Variants in AKNAD1 observed in about 807,000 individuals in gnomAD.
The protein encoded by AKNAD1 is AKNA domain containing 1.
A neutral mutation model predicts 90.8 loss-of-function variants in AKNAD1; 67 were observed. The ratio of observed to expected loss-of-function variants is 0.74; its 90% CI spans 0.61 to 0.90. The LOEUF (loss-of-function observed/expected upper bound fraction) is 0.90, where lower values mean the gene tolerates loss of function less well. Among genes scored for constraint, AKNAD1 ranks in the 40% least tolerant of loss-of-function variants. The probability of loss-of-function intolerance (pLI) is 0.00; values close to 1 mark genes in which losing one functional copy is unlikely to be tolerated. For synonymous variants in AKNAD1, 327 were observed against 341.4 expected (o/e 0.96, Z 0.46); for missense variants, 957 against 975.4 (o/e 0.98, Z 0.25).
chr1:108,826,518 A>C (rs1039003675), intron 11 of AKNAD1, among the ~76,000 whole-genome samples: 1 of 151,584 alleles, frequency 6.6e-6, no homozygotes, highest in African/African-American at 2.4e-5. Context: ...CTTTGCTTCT[A>C]TGAAATGCAT....
intron 8 of AKNAD1, 87 bp from the exon 9 acceptor site, chr1:108,834,615 T>A: frequency 7.4e-7 from 1 of 1,347,462 alleles, no homozygotes; most frequent in Non-Finnish European, 1.0e-6. Context: ...TCACTTGGCA[T>A]CACCCCTGGG....
chr1:108,837,474 C>A lies in AKNAD1; in HGVS notation c.1536+76G>T, dbSNP rs994757087. ...ATATTAAAAATGGAATTCAGTGAAT[C>A]CATGAATTAGGAGTCTATAAATGCA... On this transcript the variant is annotated intron_variant, in intron 7 of 15. Transcript: ENST00000370001. 3.7e-6 allele frequency: 5 copies of A among 1,349,358 alleles called. No individual in the cohort carries two copies. The African/African-American group carries it at 7.3e-5, about 20-fold the overall frequency. The allele number at this position is 1,349,358 out of a possible 1,614,324, so 83.6% of individuals were successfully genotyped here.
chr1:108,842,825 T>C (rs1664589021), intron 6 of AKNAD1, among the ~76,000 whole-genome samples: 1 of 152,188 alleles, frequency 6.6e-6, no homozygotes, highest in South Asian at 2.1e-4. Flanking sequence ...CTTAGGCTCC[T>C]CTGGGTCTCC....
At chr1:108,851,113 C>T (rs143651115) in intron 2 of AKNAD1, among the ~76,000 whole-genome samples, 1 of 152,304 alleles carries the variant, frequency 6.6e-6, no homozygotes, top group East Asian at 1.9e-4. Context: ...AAGGTTGCTG[C>T]CCTCCAGAGC....
At position 108,837,561 on chromosome 1, in the gene AKNAD1, G is replaced by C; in HGVS notation, c.1525C>G (p.Leu509Val). The change falls in exon 7 of 16, where the codon CTC becomes GTC. Residue 509 changes from leucine to valine, a missense_variant. Transcript: ENST00000370001. ...LDDLASTFSS[L>V]SNEIPKEHPG... is the part of the protein sequence containing the mutation. ...CATTGCTGTATTACCTCATTTGAGAGTGAAGAGAAGGTGGAGGCCAAGTCA... is the reference window on the plus strand; with the variant it reads ...CATTGCTGTATTACCTCATTTGAGACTGAAGAGAAGGTGGAGGCCAAGTCA... The C allele has an allele frequency of 6.2e-7, 1 of 1,614,148 alleles. No homozygotes were observed. The highest frequency in any genetic ancestry group is 8.5e-7 in the Non-Finnish European group (1 of 1,180,012).
chr1:108,849,446 T>C (rs893633360), intron 3 of AKNAD1, 91 bp downstream of exon 3: 10 of 841,108 alleles, frequency 1.2e-5, no homozygotes, highest in South Asian at 4.3e-5. Flanking sequence ...GCTGCTGCAC[T>C]CCAGCCTGGG....
chr1:108,850,471 TC>T (rs1331681478), intron 2 of AKNAD1, among the ~76,000 whole-genome samples: 1 of 152,022 alleles, frequency 6.6e-6, no homozygotes, highest in Non-Finnish European at 1.5e-5. Context: ...CCCCGACACT[TC>T]CCAATACCAC....
chr1:108,844,169 C>T (rs1367932547), intron 5 of AKNAD1, among the ~76,000 whole-genome samples: 1 of 152,176 alleles, frequency 6.6e-6, no homozygotes, highest in Non-Finnish European at 1.5e-5. Flanking sequence ...TCAAGACCGG[C>T]CTGACCAACA....
At chr1:108,826,337 G>A (rs1049816600) in intron 11 of AKNAD1, among the ~76,000 whole-genome samples, 4 of 151,672 alleles carry the variant, frequency 2.6e-5, no homozygotes, top group African/African-American at 4.8e-5. Context: ...GTTAGGCTCA[G>A]AGGTGATTTT....
intron 9 of AKNAD1, among the ~76,000 whole-genome samples, chr1:108,832,603 A>G (rs1182869585): frequency 3.3e-5 from 5 of 152,198 alleles, no homozygotes; most frequent in African/African-American, 7.2e-5. Flanking sequence ...GTTCTCAACA[A>G]TGAACATTAT....
chr1:108,819,481 G>C (rs1046058788), intron 14 of AKNAD1, among the ~76,000 whole-genome samples: 2 of 150,448 alleles, frequency 1.3e-5, no homozygotes, highest in Non-Finnish European at 3.0e-5. Context: ...GTAGCTAGCT[G>C]TGGTATCACA....
At chr1:108,845,269 AG>A (rs996963551) in intron 5 of AKNAD1, among the ~76,000 whole-genome samples, 1 of 152,186 alleles carries the variant, frequency 6.6e-6, no homozygotes, top group African/African-American at 2.4e-5. Flanking sequence ...ACTGCACCAC[AG>A]GCTCCCCTGG....
Position 108,830,655 on chromosome 1 carries a change from G to A in AKNAD1, c.1747-5C>T, listed in dbSNP as rs771249763. The A allele has an allele frequency of 1.1e-5, 17 of 1,613,756 alleles. No individual in the cohort carries two copies. Among genetic ancestry groups the A allele is most frequent in the South Asian group, 3.3e-5 (3 of 91,076 alleles). ...TGGAGTGCCGTTGGGATCCTCCTGCGCCACAAAGCACACAGATGGAGATGT... is the reference window on the plus strand; with the variant it reads ...TGGAGTGCCGTTGGGATCCTCCTGCACCACAAAGCACACAGATGGAGATGT... On this transcript the variant is annotated splice_polypyrimidine_tract_variant and splice_region_variant and intron_variant, in intron 9 of 15. Coordinates refer to ENST00000370001, the MANE Select transcript of AKNAD1 (RefSeq NM_152763.5).
At position 108,851,592 on chromosome 1, in the gene AKNAD1, A is replaced by G. The variant is rs1301286913; in HGVS notation, c.993+80T>C. 4.3e-6 allele frequency: 6 copies of G among 1,386,816 alleles called. No homozygotes were observed. In the East Asian group the frequency reaches 9.2e-5, roughly 21 times the overall value. 85.9% of individuals were successfully genotyped at this position (1,386,816 alleles called of 1,614,324 possible). On this transcript the variant is annotated intron_variant, in intron 2 of 15. Transcript: ENST00000370001. Reference sequence around the variant, plus strand: ...AACTTTGGAACTAGAACCAAGCTCTATTCACCCTCCAAAAACCCACACTGA... The same window carrying G: ...AACTTTGGAACTAGAACCAAGCTCTGTTCACCCTCCAAAAACCCACACTGA...
rs545277536 is a variant in AKNAD1 at position 108,857,033 on chromosome 1, G to T, written c.-208C>A. On this transcript the variant is annotated 5_prime_UTR_variant, in exon 1 of 16. Transcript: ENST00000370001. ...GAAATCCAAAGGCATATCCAAAGAGGTTCCACTCAGAATCCAACAGAACCT... is the reference window on the plus strand; with the variant it reads ...GAAATCCAAAGGCATATCCAAAGAGTTTCCACTCAGAATCCAACAGAACCT... 2 of 152,304 alleles carry T rather than the reference G, an allele frequency of 1.3e-5. No homozygotes were observed. The highest frequency in any genetic ancestry group is 1.9e-4 in the East Asian group (1 of 5,182). The allele number at this position is 152,304 out of a possible 1,614,324, so 9.4% of individuals were successfully genotyped here.
chr1:108,853,367 G>A lies in AKNAD1; in HGVS notation c.-103-600C>T, dbSNP rs576580512. 1.6e-4 allele frequency among the ~76,000 whole-genome samples: 24 copies of A among 151,606 alleles called. No homozygotes were observed. The East Asian group carries it at 4.3e-3, about 27-fold the overall frequency. On this transcript the variant is annotated intron_variant, in intron 1 of 15. Coordinates refer to ENST00000370001, the MANE Select transcript of AKNAD1 (RefSeq NM_152763.5). ...AGGATGGTCTTCATCTCCTGACCTC[G>A]TGATCCACCCGCCTTGGCCTCCCAA...
In AKNAD1 at chr1:108,849,517, A is replaced by G. The variant is rs374074599; in HGVS notation, c.1033+20T>C. 512 of 1,474,002 alleles carry G rather than the reference A, an allele frequency of 3.5e-4. No individual in the cohort carries two copies. The highest frequency in any genetic ancestry group is 4.6e-4 in the Non-Finnish European group (483 of 1,053,160). The allele number at this position is 1,474,002 out of a possible 1,614,324, so 91.3% of individuals were successfully genotyped here. ...CAAAACATATATATATATCTCAAAG[A>G]AGTTTTAAAACATTAGTACCTGTGA... On this transcript the variant is annotated intron_variant, in intron 3 of 15. Transcript: ENST00000370001.
chr1:108,816,840 A>G lies in AKNAD1; in HGVS notation c.2379+208T>C, dbSNP rs1275884825. On this transcript the variant is annotated intron_variant, in intron 15 of 15. Coordinates refer to ENST00000370001, the MANE Select transcript of AKNAD1 (RefSeq NM_152763.5). ...ACCCACAAATCACTTTCTCCAGGAA[A>G]TTTCCCTTGGAACCAATTTAGAATA... 2.3e-5 allele frequency: 12 copies of G among 510,786 alleles called. No individual in the cohort carries two copies. The South Asian group carries it at 3.3e-4, about 14-fold the overall frequency. 31.6% of individuals were successfully genotyped at this position (510,786 alleles called of 1,614,324 possible).
At chr1:108,819,941 A>G (rs1168604498) in intron 14 of AKNAD1, among the ~76,000 whole-genome samples, 2 of 139,848 alleles carry the variant, frequency 1.4e-5, no homozygotes, top group African/African-American at 5.3e-5. Flanking sequence ...AAAAAAAAAT[A>G]CCCTAATTGG....
Sources: gnomAD v4.1 joint callset for allele counts (sites outside exome capture counted in the v4.1 genomes callset) on GRCh38, gnomAD v4.1.1 for gene constraint, MANE v1.5 for transcripts, NCBI Gene and HGNC (gene_info 2026-07-23, HGNC 2026-07-21) for gene names.